The following AGTPBP1 variants were observed in gnomAD, a reference collection of about 807,000 sequenced individuals.
AGTPBP1 encodes the protein ATP/GTP binding carboxypeptidase 1, also known as cytosolic carboxypeptidase 1.
In AGTPBP1, 70 loss-of-function variants were observed where a neutral mutation model predicts 143.9. The observed-to-expected ratio is 0.49, with a 90% CI of 0.40 to 0.59. AGTPBP1 has a LOEUF of 0.59. Among genes scored for constraint, AGTPBP1 ranks in the 20% least tolerant of loss-of-function variants. The pLI, the probability that AGTPBP1 is intolerant of heterozygous loss-of-function variation, is 0.00. For missense variants in AGTPBP1, 1,229 were observed against 1,464.5 expected (o/e 0.84, Z 2.62); for synonymous variants, 463 against 500.2 (o/e 0.93, Z 0.99).
chr9:85,636,884 C>A (rs1009212608), intron 13 of AGTPBP1, among the ~76,000 whole-genome samples: 1 of 151,972 alleles, frequency 6.6e-6, no homozygotes, highest in Admixed American at 6.6e-5. Flanking sequence ...GTCAACATTA[C>A]TAGGAACTGT....
rs539781997 is a variant in AGTPBP1, at chr9:85,692,008, T to A, written c.157+681A>T. Among the ~76,000 whole-genome samples the A allele has an allele frequency of 5.6e-4, 85 of 152,244 alleles. 1 individual carries two copies. Among genetic ancestry groups the A allele is most frequent in the Admixed American group, 2.0e-3 (31 of 15,278 alleles). On this transcript the variant is annotated intron_variant, in intron 3 of 25. Transcript: ENST00000357081. ...GCTATTATACATCTTAGAAATTCAA[T>A]AACCTCCCTAAGGTACCCAACCACT...
At chr9:85,803,351 C>T in the AGTPBP1 span, among the ~76,000 whole-genome samples, 6 of 152,198 alleles carry the variant, frequency 3.9e-5, no homozygotes, top group African/African-American at 1.4e-4. Flanking sequence ...TTGTGAAAGT[C>T]CAATTTACCT....
intron 12 of AGTPBP1, among the ~76,000 whole-genome samples, chr9:85,643,625 G>A (rs1483628273): frequency 6.6e-6 from 1 of 152,118 alleles, no homozygotes; most frequent in Non-Finnish European, 1.5e-5. Context: ...AAAAAGTCAG[G>A]AGTGGAACAA....
intron 5 of AGTPBP1, 36 bp downstream of exon 5, chr9:85,678,299 A>C: frequency 1.4e-6 from 2 of 1,462,214 alleles, no homozygotes; most frequent in South Asian, 2.4e-5. Context: ...ATCACTGTTT[A>C]GAAACAGAAA....
At chr9:85,588,179 A>G (rs1303954321) in intron 21 of AGTPBP1, 119 bp downstream of exon 21, 3 of 853,600 alleles carry the variant, frequency 3.5e-6, no homozygotes, top group Non-Finnish European at 5.0e-6. Context: ...TCCCACCAAA[A>G]ATTTCTTTAT....
intron 10 of AGTPBP1, among the ~76,000 whole-genome samples, chr9:85,656,729 A>C (rs137904490): frequency 2.0e-5 from 3 of 152,340 alleles, no homozygotes; most frequent in African/African-American, 7.2e-5. Flanking sequence ...AATGGCTGGC[A>C]GATATAGCAT....
rs1380775099 is a variant in AGTPBP1, at chr9:85,661,049, T to A, written c.663-76A>T. The A allele has an allele frequency of 6.5e-6, 8 of 1,232,856 alleles. No individual in the cohort carries two copies. The African/African-American group carries it at 1.2e-4, about 19-fold the overall frequency. 76.4% of individuals were successfully genotyped at this position (1,232,856 alleles called of 1,614,324 possible). On this transcript the variant is annotated intron_variant, in intron 8 of 25. Transcript: ENST00000357081. ...TCTACAATAGTAAATTCATACAATC[T>A]TTTTCAATAAGTCATTATTCTATTA... is the stretch of plus-strand genomic sequence containing the variant.
intron 13 of AGTPBP1, among the ~76,000 whole-genome samples, chr9:85,638,063 T>G (rs113746659): frequency 7.9e-5 from 12 of 152,260 alleles, no homozygotes; most frequent in African/African-American, 2.9e-4. Flanking sequence ...TTATATATCT[T>G]AACTCTAGTT....
At chr9:85,612,839 A>T (rs1216624383) in intron 17 of AGTPBP1, among the ~76,000 whole-genome samples, 1 of 152,060 alleles carries the variant, frequency 6.6e-6, no homozygotes, top group African/African-American at 2.4e-5. Flanking sequence ...ACATTTGGGC[A>T]CAGAAGTGTG....
chr9:85,726,836 T>C (rs116258156), intron 1 of AGTPBP1, among the ~76,000 whole-genome samples: 2,489 of 152,290 alleles, frequency 0.016, 67 homozygotes, highest in African/African-American at 0.056. Flanking sequence ...GCAAGTTACA[T>C]AGTAGTAGAA....
chr9:85,572,325 G>T (rs1226399710), intron 25 of AGTPBP1, among the ~76,000 whole-genome samples: 1 of 151,958 alleles, frequency 6.6e-6, no homozygotes, highest in Non-Finnish European at 1.5e-5. Flanking sequence ...GAGCCACTGC[G>T]GCTGGCTTGG....
the AGTPBP1 span, among the ~76,000 whole-genome samples, chr9:85,788,778 A>G: frequency 2.7e-5 from 4 of 150,386 alleles, no homozygotes; most frequent in South Asian, 8.3e-4. Flanking sequence ...GCTATAATGT[A>G]TATATAGATA....
intron 1 of AGTPBP1, among the ~76,000 whole-genome samples, chr9:85,733,975 T>C (rs1045009567): frequency 5.3e-5 from 8 of 152,170 alleles, no homozygotes; most frequent in African/African-American, 1.9e-4. Context: ...CCTTACAGGC[T>C]GGGCACGGTG....
chr9:85,669,556 C>G lies in AGTPBP1; in HGVS notation c.591G>C (p.Gly197=). 1 of 1,611,600 alleles carries G rather than the reference C, an allele frequency of 6.2e-7. No homozygotes were observed. The highest frequency in any genetic ancestry group is 1.3e-5 in the African/African-American group (1 of 74,910). Residue 197 remains glycine (G), a synonymous_variant, in exon 8 of 26, where the codon GGG becomes GGC. Coordinates refer to ENST00000357081, the MANE Select transcript of AGTPBP1 (RefSeq NM_001330701.2). The part of the protein sequence containing the change: ...SANSVNSVSL[G]KNGVVELMFK... The stretch of plus-strand genomic sequence containing the variant: ...ACATCAGTTCCACAACTCCATTTTT[C>G]CCTAAGGATACTGAATTCACAGCTG...
chr9:85,655,034 TTAAG>T, intron 11 of AGTPBP1, 105 bp downstream of exon 11: 1 of 980,448 alleles, frequency 1.0e-6, no homozygotes. Context: ...GTTTATCACG[TTAAG>T]TAAGGCCTTC....
At chr9:85,620,684 A>T (rs1040350507) in intron 15 of AGTPBP1, among the ~76,000 whole-genome samples, 3 of 152,190 alleles carry the variant, frequency 2.0e-5, no homozygotes, top group African/African-American at 7.2e-5. Context: ...AGGATCACAA[A>T]AAAAGGCATT....
chr9:85,587,933 T>C (rs960044946), intron 21 of AGTPBP1, among the ~76,000 whole-genome samples: 2 of 151,880 alleles, frequency 1.3e-5, no homozygotes, highest in African/African-American at 2.4e-5. Context: ...CTTAGAACAA[T>C]CTAGGTTCAT....
chr9:85,741,937 C>G lies in AGTPBP1; in HGVS notation c.-196G>C. 2 of 1,305,266 alleles carry G rather than the reference C, an allele frequency of 1.5e-6. No homozygotes were observed. The highest frequency in any genetic ancestry group is 1.9e-6 in the Non-Finnish European group (2 of 1,030,426). 80.9% of individuals were successfully genotyped at this position (1,305,266 alleles called of 1,614,324 possible). A position where few individuals can be genotyped will look rare whatever the true frequency, so the allele number is the denominator to read the frequency against. On this transcript the variant is annotated 5_prime_UTR_variant, in exon 1 of 26. Transcript: ENST00000357081. ...GGCGGCGGCAGCTGCGGCGGCGGCGCTGGAGGCGGCGGAACCTGTCCGCAT... is the reference window on the plus strand; with the variant it reads ...GGCGGCGGCAGCTGCGGCGGCGGCGGTGGAGGCGGCGGAACCTGTCCGCAT...
At chr9:85,707,013 C>T (rs1382993830) in intron 2 of AGTPBP1, among the ~76,000 whole-genome samples, 1 of 150,750 alleles carries the variant, frequency 6.6e-6, no homozygotes, top group Non-Finnish European at 1.5e-5. Flanking sequence ...TAGAAATAGG[C>T]TAAAAGTAAA....
Sources: gnomAD v4.1 joint callset for allele counts (sites outside exome capture counted in the v4.1 genomes callset) on GRCh38, gnomAD v4.1.1 for gene constraint, MANE v1.5 for transcripts, NCBI Gene and HGNC (gene_info 2026-07-23, HGNC 2026-07-21) for gene names.